The following CADM2 variants were observed in gnomAD, a reference collection of about 807,000 sequenced individuals.
The protein encoded by CADM2 is immunoglobulin superfamily member 4D.
Under a neutral mutation model 49.8 loss-of-function variants are expected in CADM2, and 12 were observed. That is an observed-to-expected ratio of 0.24 (90% CI 0.15 to 0.39). CADM2 has a LOEUF of 0.39. CADM2 is among the 10% of genes least tolerant of loss of function. The probability of loss-of-function intolerance (pLI) is 1.00; values close to 1 mark genes in which losing one functional copy is unlikely to be tolerated. For missense variants in CADM2, 378 were observed against 492.3 expected, an observed-to-expected ratio of 0.77 and a Z score of 2.20; for synonymous variants, 214 against 175.4, an observed-to-expected ratio of 1.22 and a Z score of -1.74.
At chr3:85,798,197 A>G (rs2071744589) in intron 2 of CADM2, among the ~76,000 whole-genome samples, 2 of 151,886 alleles carry the variant, frequency 1.3e-5, no homozygotes, top group Non-Finnish European at 2.9e-5. Flanking sequence ...GATTGCAAAA[A>G]TTTTCTCCCA....
chr3:85,948,447 A>C (rs1481502657), intron 7 of CADM2, among the ~76,000 whole-genome samples: 1 of 151,446 alleles, frequency 6.6e-6, no homozygotes, highest in Non-Finnish European at 1.5e-5. Flanking sequence ...TATCTTGACT[A>C]TCATTTCTGC....
At chr3:85,447,077 T>A (rs1179057088) in intron 1 of CADM2, among the ~76,000 whole-genome samples, 1 of 146,764 alleles carries the variant, frequency 6.8e-6, no homozygotes, top group African/African-American at 2.5e-5. Flanking sequence ...TAGTTATAAT[T>A]CATATGGTAA....
chr3:85,323,824 A>G (rs1414318084), intron 1 of CADM2, among the ~76,000 whole-genome samples: 1 of 152,210 alleles, frequency 6.6e-6, no homozygotes, highest in Non-Finnish European at 1.5e-5. Context: ...TTTGGTATCT[A>G]GAAAAGTCAC....
At chr3:85,984,024 T>C (rs1727786790) in intron 8 of CADM2, among the ~76,000 whole-genome samples, 1 of 149,606 alleles carries the variant, frequency 6.7e-6, no homozygotes, top group Admixed American at 6.7e-5. Context: ...ACACATAATA[T>C]ATTATACATA....
chr3:85,049,972 C>A (rs2035819796), intron 1 of CADM2, among the ~76,000 whole-genome samples: 1 of 152,134 alleles, frequency 6.6e-6, no homozygotes, highest in Admixed American at 6.6e-5. Flanking sequence ...GGGCTGGACT[C>A]CTTCTTGACT....
intron 7 of CADM2, among the ~76,000 whole-genome samples, chr3:85,961,012 A>T (rs1240545417): frequency 7.4e-6 from 1 of 135,580 alleles, no homozygotes; most frequent in Admixed American, 7.4e-5. Flanking sequence ...ATTCATTATT[A>T]TTATATATAT....
At chr3:86,013,954 T>C (rs1352389746) in intron 8 of CADM2, 13 of 1,563,738 alleles carry the variant, frequency 8.3e-6, no homozygotes, top group South Asian at 4.5e-5. Context: ...GCAAAATCAG[T>C]ACCTGTTATG....
chr3:85,608,230 A>G (rs2063585248), intron 1 of CADM2, among the ~76,000 whole-genome samples: 1 of 152,152 alleles, frequency 6.6e-6, no homozygotes, highest in African/African-American at 2.4e-5. Context: ...CTTTAAATAC[A>G]TATACACTCA....
intron 1 of CADM2, among the ~76,000 whole-genome samples, chr3:84,993,287 G>A: frequency 6.6e-6 from 1 of 152,058 alleles, no homozygotes; most frequent in Non-Finnish European, 1.5e-5. Flanking sequence ...CCATTACAGT[G>A]ACAAAAGGGA....
At chr3:85,916,314 C>G (rs1299611058) in intron 6 of CADM2, among the ~76,000 whole-genome samples, 1 of 143,728 alleles carries the variant, frequency 7.0e-6, no homozygotes, top group Non-Finnish European at 1.5e-5. Context: ...AATACTATCC[C>G]TTCCCCCTCC....
intron 1 of CADM2, among the ~76,000 whole-genome samples, chr3:85,195,043 G>A (rs2041308338): frequency 6.6e-6 from 1 of 151,922 alleles, no homozygotes. Context: ...TGGTCCTGAC[G>A]AAACCTGAAC....
rs144940544 is a variant in CADM2 at position 85,640,055 on chromosome 3, A to G, written c.62-86467A>G. On this transcript the variant is annotated intron_variant, in intron 1 of 9. Transcript: ENST00000383699. ...GGAGCACCTACTGAGTGCCGAGCAG[A>G]TATGTTAGCTGCTTTGAGAGGACCT... 8.5e-3 allele frequency among the ~76,000 whole-genome samples: 1,301 copies of G among 152,238 alleles called. 17 individuals are homozygous for G. Among genetic ancestry groups the G allele is most frequent in the African/African-American group, 0.03 (1,255 of 41,534 alleles).
intron 1 of CADM2, among the ~76,000 whole-genome samples, chr3:85,266,328 G>A (rs911325202): frequency 2.0e-5 from 3 of 151,846 alleles, no homozygotes; most frequent in Admixed American, 2.0e-4. Flanking sequence ...ATATAAGGGA[G>A]AGAAAATGAT....
At chr3:85,942,083 A>G (rs886863548) in intron 7 of CADM2, among the ~76,000 whole-genome samples, 3 of 152,244 alleles carry the variant, frequency 2.0e-5, no homozygotes, top group South Asian at 4.1e-4. Context: ...TGTATTAACA[A>G]CAATGATGAT....
intron 2 of CADM2, among the ~76,000 whole-genome samples, chr3:85,801,630 C>G (rs1363896912): frequency 1.3e-5 from 2 of 152,076 alleles, no homozygotes; most frequent in Non-Finnish European, 2.9e-5. Context: ...ATTATAAAAG[C>G]TACCAGGGAA....
At chr3:85,479,573 A>C (rs997078464) in intron 1 of CADM2, among the ~76,000 whole-genome samples, 1 of 151,938 alleles carries the variant, frequency 6.6e-6, no homozygotes, top group African/African-American at 2.4e-5. Context: ...GTCTCCTCCC[A>C]AAACCCATGT....
chr3:85,855,381 G>C (rs186585967), intron 3 of CADM2, among the ~76,000 whole-genome samples: 118 of 151,890 alleles, frequency 7.8e-4, no homozygotes, highest in Non-Finnish European at 1.4e-3. Flanking sequence ...CACTCATGAC[G>C]CTGCTCTTCC....
At chr3:85,171,176 T>C (rs1338667717) in intron 1 of CADM2, among the ~76,000 whole-genome samples, 2 of 152,202 alleles carry the variant, frequency 1.3e-5, no homozygotes, top group African/African-American at 4.8e-5. Context: ...CAGAATTATG[T>C]CATCGTGTAT....
At chr3:85,038,472 G>C (rs2101344) in intron 1 of CADM2, among the ~76,000 whole-genome samples, 52,982 of 151,998 alleles carry the variant, frequency 0.35, 9,707 homozygotes, top group Non-Finnish European at 0.39. Flanking sequence ...CTGTGTTTAA[G>C]AATTATCAAA....
Sources: allele counts gnomAD v4.1 joint callset (sites outside exome capture counted in the v4.1 genomes callset), GRCh38; gene constraint gnomAD v4.1.1; transcripts MANE v1.5; gene names NCBI Gene and HGNC (gene_info 2026-07-23, HGNC 2026-07-21).